DNAI1: variants seen among roughly 807,000 people sequenced by gnomAD.
DNAI1 encodes dynein axonemal intermediate chain 1.
DNAI1 carries 67 observed loss-of-function variants against 92.0 expected under a neutral mutation model. The ratio of observed to expected loss-of-function variants is 0.73; its 90% CI spans 0.60 to 0.89. The LOEUF (loss-of-function observed/expected upper bound fraction) is 0.89. Ranked by LOEUF, DNAI1 falls within the 40% of genes least tolerant of loss-of-function variation. The pLI is 0.00. For missense variants in DNAI1, 839 were observed against 866.6 expected (o/e 0.97, Z 0.40); for synonymous variants, 323 against 319.6 (o/e 1.01, Z -0.11).
intron 4 of DNAI1, chr9:34,487,917 A>T (rs1414051390): frequency 1.3e-5 from 3 of 223,140 alleles, no homozygotes; most frequent in Non-Finnish European, 2.8e-5. Flanking sequence ...GATGGTTCTG[A>T]TCTAGGCATG....
intron 12 of DNAI1, among the ~76,000 whole-genome samples, chr9:34,505,913 T>C (rs1359978953): frequency 6.6e-6 from 1 of 152,170 alleles, no homozygotes; most frequent in Non-Finnish European, 1.5e-5. Flanking sequence ...TGACTACATA[T>C]CAGGATGGGC....
At chr9:34,504,311 A>G (rs539450234) in intron 12 of DNAI1, among the ~76,000 whole-genome samples, 4 of 152,270 alleles carry the variant, frequency 2.6e-5, no homozygotes, top group Non-Finnish European at 4.4e-5. Flanking sequence ...TTTCCTGATC[A>G]TTTGTTTGTC....
intron 12 of DNAI1, among the ~76,000 whole-genome samples, chr9:34,504,993 GA>G (rs1011717235): frequency 3.4e-5 from 5 of 148,328 alleles, no homozygotes; most frequent in East Asian, 2.0e-4. Context: ...AACCATCCCA[GA>G]AAAAAAAAAG....
At chr9:34,481,736 G>T (rs1389456958) in intron 1 of DNAI1, among the ~76,000 whole-genome samples, 1 of 152,186 alleles carries the variant, frequency 6.6e-6, no homozygotes, top group Non-Finnish European at 1.5e-5. Flanking sequence ...GTCTGGAGTT[G>T]TTCGTTCCTC....
In DNAI1 at chr9:34,491,498, C is replaced by G. The variant is rs769224534; in HGVS notation, c.625C>G (p.Arg209Gly). ...CTCCTGTTGTCTTGTTCTTTAGGATCGAGAATGCCAGACGGAGCCTCCTCC... is the reference window on the plus strand; with the variant it reads ...CTCCTGTTGTCTTGTTCTTTAGGATGGAGAATGCCAGACGGAGCCTCCTCC... ...SQTYNNPVRD[R>G]ECQTEPPPRT... The change falls in exon 8 of 20, where the codon CGA becomes GGA. Residue 209 changes from arginine to glycine, a missense_variant. By Grantham distance (125) the Arg-to-Gly change is moderately radical. Coordinates refer to ENST00000242317, the MANE Select transcript of DNAI1 (RefSeq NM_012144.4). The G allele has an allele frequency of 7.4e-6, 12 of 1,614,006 alleles. No homozygotes were observed. In the East Asian group the frequency reaches 1.3e-4, roughly 18 times the overall value.
At chr9:34,479,181 G>A (rs1006597135) in intron 1 of DNAI1, among the ~76,000 whole-genome samples, 2 of 152,324 alleles carry the variant, frequency 1.3e-5, no homozygotes, top group East Asian at 1.9e-4. Flanking sequence ...GCACCTCGGA[G>A]TCCTAGCACA....
intron 13 of DNAI1, among the ~76,000 whole-genome samples, chr9:34,509,583 AG>A (rs140406419): frequency 0.029 from 4,439 of 152,146 alleles, 148 homozygotes; most frequent in East Asian, 0.12. Flanking sequence ...CCCAGCCATC[AG>A]AGAGTTTGGG....
At chr9:34,508,529 A>C (rs2132078314) in intron 13 of DNAI1, among the ~76,000 whole-genome samples, 1 of 152,280 alleles carries the variant, frequency 6.6e-6, no homozygotes, top group Non-Finnish European at 1.5e-5. Context: ...AGAAACTTTA[A>C]AACTCAGGGA....
rs886038585 is a variant in DNAI1, at chr9:34,520,650, C to T, written c.2002-8C>T. On this transcript the variant is annotated splice_region_variant and splice_polypyrimidine_tract_variant and intron_variant, in intron 19 of 19. Transcript: ENST00000242317. ...TTCCTCCCTCATGTATACTTTCCCT[C>T]TCCCCAGGAAAAGAAGGGGCAGGAG... The T allele has an allele frequency of 6.4e-6, 10 of 1,551,302 alleles. No individual in the cohort carries two copies. The highest frequency in any genetic ancestry group is 3.4e-4 in the Middle Eastern group (2 of 5,892).
At chr9:34,504,415 A>G (rs1428566238) in intron 12 of DNAI1, among the ~76,000 whole-genome samples, 4 of 152,210 alleles carry the variant, frequency 2.6e-5, no homozygotes, top group Admixed American at 2.6e-4. Flanking sequence ...CACAAAATCC[A>G]TCACTCCTCG....
Position 34,514,406 on chromosome 9 carries a change from T to C in DNAI1, c.1582T>C (p.Tyr528His). 1.2e-6 allele frequency: 2 copies of C among 1,614,144 alleles called. No homozygotes were observed. The highest frequency in any genetic ancestry group is 4.5e-5 in the East Asian group (2 of 44,884). ...EGKIYKCSKS[Y>H]SSQFLDTYDA... is the part of the protein sequence containing the mutation. The stretch of plus-strand genomic sequence containing the variant: ...CCTCCCCGACCAGTGCTCTAAATCC[T>C]ACTCCAGCCAATTCCTCGACACCTA... Residue 528 changes from tyrosine to histidine, a missense_variant, in exon 17 of 20, where the codon TAC (tyrosine) becomes CAC (histidine). Transcript: ENST00000242317.
chr9:34,487,684 A>G (rs964552782), intron 4 of DNAI1, among the ~76,000 whole-genome samples: 1 of 152,068 alleles, frequency 6.6e-6, no homozygotes, highest in Non-Finnish European at 1.5e-5. Flanking sequence ...GAAGCACACT[A>G]CAGGCAGAGG....
intron 1 of DNAI1, among the ~76,000 whole-genome samples, chr9:34,472,275 G>A (rs1824151392): frequency 6.6e-6 from 1 of 152,192 alleles, no homozygotes; most frequent in Non-Finnish European, 1.5e-5. Context: ...CCCCCTTACA[G>A]ATGCAGAAAT....
chr9:34,468,337 C>G (rs933680125), intron 1 of DNAI1, among the ~76,000 whole-genome samples: 1 of 149,836 alleles, frequency 6.7e-6, no homozygotes, highest in Non-Finnish European at 1.5e-5. Context: ...CCCGCCACCA[C>G]GCCTGGCTAA....
At chr9:34,459,578 T>A (rs1823904401) in intron 1 of DNAI1, among the ~76,000 whole-genome samples, 1 of 152,130 alleles carries the variant, frequency 6.6e-6, no homozygotes, top group Non-Finnish European at 1.5e-5. Context: ...GACGAATAGC[T>A]GGAACCAAAG....
intron 1 of DNAI1, among the ~76,000 whole-genome samples, chr9:34,459,908 G>A (rs1588085145): frequency 6.6e-6 from 1 of 152,222 alleles, no homozygotes; most frequent in East Asian, 1.9e-4. Flanking sequence ...TGTGCTGGGA[G>A]ATTTATGAGG....
chr9:34,482,639 C>T (rs1824384017), intron 1 of DNAI1, among the ~76,000 whole-genome samples: 1 of 152,180 alleles, frequency 6.6e-6, no homozygotes, highest in African/African-American at 2.4e-5. Context: ...TATTTACAAT[C>T]CCTGAGCTAG....
At chr9:34,513,241 C>T in intron 16 of DNAI1, 50 bp downstream of exon 16, 1 of 1,440,424 alleles carries the variant, frequency 6.9e-7, no homozygotes, top group Non-Finnish European at 9.8e-7. Context: ...GACCTGAGCA[C>T]CTGGGGAGCT....
chr9:34,517,160 C>T (rs957071162), intron 18 of DNAI1, 125 bp from the exon 19 acceptor site: 6 of 1,009,378 alleles, frequency 5.9e-6, no homozygotes, highest in African/African-American at 3.2e-5. Flanking sequence ...CCCTCCACCT[C>T]CAGCTCCAGT....
Sources: gnomAD v4.1 joint callset for allele counts (sites outside exome capture counted in the v4.1 genomes callset) on GRCh38, gnomAD v4.1.1 for gene constraint, MANE v1.5 for transcripts, NCBI Gene and HGNC (gene_info 2026-07-23, HGNC 2026-07-21) for gene names.